The following CFAP95 variants were observed in gnomAD, a reference collection of about 807,000 sequenced individuals.
The protein encoded by CFAP95 is cilia- and flagella-associated protein 95.
chr9:69,873,235 C>T, the CFAP95 span, among the ~76,000 whole-genome samples: 1 of 152,136 alleles, frequency 6.6e-6, no homozygotes, highest in Non-Finnish European at 1.5e-5. Context: ...TAAAGTCACT[C>T]TTCTCTCCAT....
the CFAP95 span, among the ~76,000 whole-genome samples, chr9:69,882,943 C>G: frequency 2.0e-5 from 3 of 152,152 alleles, no homozygotes; most frequent in African/African-American, 7.2e-5. Context: ...GTTTTGGAAT[C>G]AGGGTAATAC....
the CFAP95 span, among the ~76,000 whole-genome samples, chr9:69,843,543 C>T: frequency 6.8e-4 from 22 of 32,366 alleles, 3 homozygotes; most frequent in African/African-American, 2.4e-3. Context: ...CCTCCTCCTC[C>T]TCCTCCTCCT....
At chr9:69,864,203 C>T in the CFAP95 span, among the ~76,000 whole-genome samples, 16 of 152,064 alleles carry the variant, frequency 1.1e-4, no homozygotes, top group South Asian at 2.1e-4. Flanking sequence ...ATAAATGACT[C>T]GTTTCAACAA....
the CFAP95 span, among the ~76,000 whole-genome samples, chr9:69,885,547 A>G: frequency 0.63 from 96,193 of 151,998 alleles, 30,751 homozygotes; most frequent in East Asian, 0.82. Flanking sequence ...TCAGTTTATG[A>G]TTTCCCATTA....
At chr9:69,825,524 G>T in the CFAP95 span, among the ~76,000 whole-genome samples, 3 of 152,168 alleles carry the variant, frequency 2.0e-5, no homozygotes, top group African/African-American at 7.2e-5. Flanking sequence ...GTGGTCGATA[G>T]AGCCATATCA....
chr9:69,864,864 G>A, the CFAP95 span, among the ~76,000 whole-genome samples: 1 of 152,146 alleles, frequency 6.6e-6, no homozygotes, highest in Non-Finnish European at 1.5e-5. Flanking sequence ...ATGCATTTGT[G>A]CTATGGCTTG....
At chr9:69,897,258 C>T in the CFAP95 span, among the ~76,000 whole-genome samples, 1 of 152,164 alleles carries the variant, frequency 6.6e-6, no homozygotes, top group Non-Finnish European at 1.5e-5. Flanking sequence ...GTAAATGGAA[C>T]ACTCAAAATG....
the CFAP95 span, among the ~76,000 whole-genome samples, chr9:69,883,428 G>T: frequency 3.3e-5 from 5 of 152,148 alleles, no homozygotes; most frequent in Non-Finnish European, 5.9e-5. Context: ...GAATGTTTCT[G>T]GTTGGAGATG....
chr9:69,872,301 A>G, the CFAP95 span, among the ~76,000 whole-genome samples: 1 of 152,226 alleles, frequency 6.6e-6, no homozygotes, highest in Non-Finnish European at 1.5e-5. Flanking sequence ...TCTGCTTAAC[A>G]ATCACTCAAG....
At chr9:69,896,193 T>TC in the CFAP95 span, among the ~76,000 whole-genome samples, 1 of 152,206 alleles carries the variant, frequency 6.6e-6, no homozygotes, top group Non-Finnish European at 1.5e-5. Context: ...GTAAATGTCC[T>TC]CACATAATAT....
the CFAP95 span, among the ~76,000 whole-genome samples, chr9:69,889,776 CA>C: frequency 6.6e-6 from 1 of 152,084 alleles, no homozygotes; most frequent in Admixed American, 6.6e-5. Flanking sequence ...TAGCATTAAT[CA>C]AGTATGTTAT....
At chr9:69,863,738 G>T in the CFAP95 span, among the ~76,000 whole-genome samples, 1 of 152,056 alleles carries the variant, frequency 6.6e-6, no homozygotes, top group South Asian at 2.1e-4. Context: ...ACTGTATCAA[G>T]CAGATCCAAT....
chr9:69,860,733 A>AT, the CFAP95 span, among the ~76,000 whole-genome samples: 14 of 151,596 alleles, frequency 9.2e-5, no homozygotes, highest in African/African-American at 3.4e-4. Flanking sequence ...TTATTAAACA[A>AT]TTTTTTTTAC....
chr9:69,857,968 G>T, the CFAP95 span: 1 of 1,613,854 alleles, frequency 6.2e-7, no homozygotes, highest in Non-Finnish European at 8.5e-7. Context: ...CCACCGGATT[G>T]GAGCAAAATG....
At chr9:69,862,621 A>T in the CFAP95 span, among the ~76,000 whole-genome samples, 1 of 152,366 alleles carries the variant, frequency 6.6e-6, no homozygotes, top group South Asian at 2.1e-4. Flanking sequence ...GCTTCAAGTT[A>T]TAAAAGAAAG....
chr9:69,851,624 T>A, the CFAP95 span, among the ~76,000 whole-genome samples: 4 of 152,122 alleles, frequency 2.6e-5, no homozygotes, highest in Non-Finnish European at 5.9e-5. Flanking sequence ...GACTATTTTG[T>A]GACAAGAAGT....
chr9:69,896,077 A>G, the CFAP95 span, among the ~76,000 whole-genome samples: 1 of 152,232 alleles, frequency 6.6e-6, no homozygotes, highest in African/African-American at 2.4e-5. Context: ...TACAGTGAAC[A>G]TATAAAACTT....
chr9:69,827,312 G>A, the CFAP95 span, among the ~76,000 whole-genome samples: 1 of 152,180 alleles, frequency 6.6e-6, no homozygotes, highest in Admixed American at 6.5e-5. Context: ...TCACTCTGTA[G>A]CGGGTAGCAG....
the CFAP95 span, among the ~76,000 whole-genome samples, chr9:69,901,058 T>C: frequency 6.6e-6 from 1 of 151,982 alleles, no homozygotes; most frequent in African/African-American, 2.4e-5. Flanking sequence ...GATGTTCCCC[T>C]TCTTGTGTCC....
Sources: gnomAD v4.1 joint callset for allele counts (sites outside exome capture counted in the v4.1 genomes callset) on GRCh38, gnomAD v4.1.1 for gene constraint, MANE v1.5 for transcripts, NCBI Gene and HGNC (gene_info 2026-07-23, HGNC 2026-07-21) for gene names.